ATE1: variants seen among roughly 807,000 people sequenced by gnomAD.
The protein encoded by ATE1 is arginyltransferase 1, also known as arginyl-tRNA--protein transferase 1.
Under a neutral mutation model 70.5 loss-of-function variants are expected in ATE1, and 36 were observed. The observed-to-expected ratio is 0.51, with a 90% CI of 0.39 to 0.67. The LOEUF is 0.67. Ranked by LOEUF, ATE1 falls within the 30% of genes least tolerant of loss-of-function variation. The pLI is 0.00. For missense variants in ATE1, 593 were observed against 629.5 expected, an observed-to-expected ratio of 0.94 and a Z score of 0.62; for synonymous variants, 232 against 219.3, an observed-to-expected ratio of 1.06 and a Z score of -0.51.
At chr10:121,749,756 T>C (rs993933220) in intron 11 of ATE1, among the ~76,000 whole-genome samples, 1 of 152,206 alleles carries the variant, frequency 6.6e-6, no homozygotes, top group African/African-American at 2.4e-5. Flanking sequence ...AGTTTCCTCC[T>C]ACCCTCACCA....
rs1564798862 is a variant in ATE1, at chr10:121,742,286, A to G, written c.*1394T>C. ...TCTAGTTAGCTGAGGATATTTTCAA[A>G]TTTTTGTCAAAATTCAGTACATTTT... is the stretch of plus-strand genomic sequence containing the variant. On this transcript the variant is annotated 3_prime_UTR_variant, in exon 12 of 12. Transcript: ENST00000224652. 6.6e-6 allele frequency: 1 copy of G among 152,204 alleles called. No individual in the cohort carries two copies. The highest frequency in any genetic ancestry group is 1.5e-5 in the Non-Finnish European group (1 of 68,038). 9.4% of individuals were successfully genotyped at this position (152,204 alleles called of 1,614,324 possible).
chr10:121,861,751 A>AT (rs757095361), intron 8 of ATE1, among the ~76,000 whole-genome samples: 7 of 26,146 alleles, frequency 2.7e-4, no homozygotes, highest in African/African-American at 2.4e-3. Flanking sequence ...AAGTATAATA[A>AT]AAAAAAAAAA....
chr10:121,875,300 T>G (rs1189798069), intron 7 of ATE1, among the ~76,000 whole-genome samples: 3 of 27,590 alleles, frequency 1.1e-4, no homozygotes, highest in South Asian at 1.4e-3. Flanking sequence ...TTTTTTTGGT[T>G]TTTTTTTGTT....
chr10:121,752,396 A>G (rs1053413145), intron 11 of ATE1, among the ~76,000 whole-genome samples: 2 of 150,774 alleles, frequency 1.3e-5, no homozygotes, highest in African/African-American at 4.9e-5. Flanking sequence ...ACGCCTGGCT[A>G]ATTTTTGTAT....
chr10:121,801,590 T>G (rs1946881430), intron 10 of ATE1, among the ~76,000 whole-genome samples: 1 of 152,218 alleles, frequency 6.6e-6, no homozygotes, highest in Non-Finnish European at 1.5e-5. Flanking sequence ...CCTCTTTAGT[T>G]TCTGTTAAAG....
chr10:121,794,394 AAGAAG>A (rs1288305672), intron 10 of ATE1, among the ~76,000 whole-genome samples: 1 of 152,076 alleles, frequency 6.6e-6, no homozygotes, highest in Non-Finnish European at 1.5e-5. Context: ...CAGAACATAA[AAGAAG>A]AGAATACCCA....
chr10:121,919,959 G>A (rs1436633414), intron 3 of ATE1, among the ~76,000 whole-genome samples: 1 of 152,020 alleles, frequency 6.6e-6, no homozygotes, highest in Non-Finnish European at 1.5e-5. Flanking sequence ...CAGGAGGCCA[G>A]CTCTCATCGA....
chr10:121,920,705 G>A (rs959816774), intron 3 of ATE1, among the ~76,000 whole-genome samples: 2 of 151,902 alleles, frequency 1.3e-5, no homozygotes, highest in Admixed American at 6.6e-5. Flanking sequence ...TAAGAAAACT[G>A]GACTCTGGGC....
intron 7 of ATE1, among the ~76,000 whole-genome samples, chr10:121,895,837 T>C (rs1249927562): frequency 1.3e-5 from 2 of 151,920 alleles, no homozygotes; most frequent in Non-Finnish European, 2.9e-5. Context: ...AAGAATCACT[T>C]GAACCTGGGA....
chr10:121,883,598 A>T (rs1168468195), intron 7 of ATE1, among the ~76,000 whole-genome samples: 2 of 152,166 alleles, frequency 1.3e-5, no homozygotes, highest in African/African-American at 4.8e-5. Context: ...CCTGCTCGGC[A>T]TTCTGTTTGA....
chr10:121,748,734 T>C (rs1036735642), intron 11 of ATE1, among the ~76,000 whole-genome samples: 4 of 152,146 alleles, frequency 2.6e-5, no homozygotes, highest in Non-Finnish European at 5.9e-5. Context: ...AAGTATCTTA[T>C]AAAGCAGATA....
At chr10:121,830,709 T>C in intron 10 of ATE1, among the ~76,000 whole-genome samples, 1 of 152,174 alleles carries the variant, frequency 6.6e-6, no homozygotes, top group East Asian at 1.9e-4. Context: ...ATCAATATGT[T>C]GTTGAAGACC....
intron 7 of ATE1, among the ~76,000 whole-genome samples, chr10:121,895,793 C>T (rs1002840935): frequency 2.0e-5 from 3 of 152,074 alleles, no homozygotes; most frequent in East Asian, 1.9e-4. Context: ...GTGGCACATG[C>T]CTGTAGTCCC....
At chr10:121,856,840 T>G (rs1949267849) in intron 8 of ATE1, among the ~76,000 whole-genome samples, 1 of 152,212 alleles carries the variant, frequency 6.6e-6, no homozygotes, top group Non-Finnish European at 1.5e-5. Context: ...CAACGAAGCG[T>G]AACAAAATGA....
chr10:121,890,134 A>G (rs11200221), intron 7 of ATE1, among the ~76,000 whole-genome samples: 20,060 of 152,222 alleles, frequency 0.13, 1,519 homozygotes, highest in East Asian at 0.19. Flanking sequence ...CAAAGTAGAA[A>G]GTTAAGGAAA....
intron 11 of ATE1, among the ~76,000 whole-genome samples, chr10:121,784,500 T>A (rs1372617201): frequency 1.3e-5 from 2 of 151,990 alleles, no homozygotes; most frequent in African/African-American, 4.8e-5. Flanking sequence ...AAACCAAGAG[T>A]CATGTTAGCA....
At chr10:121,821,039 T>C (rs1947774471) in intron 10 of ATE1, among the ~76,000 whole-genome samples, 1 of 152,246 alleles carries the variant, frequency 6.6e-6, no homozygotes, top group African/African-American at 2.4e-5. Context: ...CCTCCCAGGT[T>C]CACGCCATTC....
At chr10:121,905,550 T>C (rs1951155742) in intron 5 of ATE1, among the ~76,000 whole-genome samples, 1 of 152,106 alleles carries the variant, frequency 6.6e-6, no homozygotes, top group African/African-American at 2.4e-5. Context: ...CAGTGGAAAG[T>C]AGGATTTCAG....
chr10:121,802,803 A>T (rs921977731), intron 10 of ATE1, among the ~76,000 whole-genome samples: 4 of 152,218 alleles, frequency 2.6e-5, no homozygotes, highest in Non-Finnish European at 4.4e-5. Flanking sequence ...GGACTTAAGC[A>T]TGGTCCTTAG....
Sources: allele counts gnomAD v4.1 joint callset (sites outside exome capture counted in the v4.1 genomes callset), GRCh38; gene constraint gnomAD v4.1.1; transcripts MANE v1.5; gene names NCBI Gene and HGNC (gene_info 2026-07-23, HGNC 2026-07-21).